PPP1R3E: variants seen among roughly 807,000 people sequenced by gnomAD.
The protein encoded by PPP1R3E is protein phosphatase 1 regulatory subunit 3E.
In PPP1R3E, 20 loss-of-function variants were observed where a neutral mutation model predicts 18.5. That is an observed-to-expected ratio of 1.08 (90% CI 0.76 to 1.58). The LOEUF (loss-of-function observed/expected upper bound fraction) is 1.58, where lower values mean the gene tolerates loss of function less well. PPP1R3E is among the 40% of genes most tolerant of loss of function. The pLI is 0.00. For missense variants in PPP1R3E, 498 were observed against 460.2 expected (o/e 1.08, Z -0.75); for synonymous variants, 208 against 208.1 (o/e 1.00, Z 0.00).
rs1211578658 is a variant in PPP1R3E, at chr14:23,301,391, C to T, written c.*45G>A. On this transcript the variant is annotated 3_prime_UTR_variant, in exon 2 of 5. Coordinates refer to ENST00000452015, the MANE Select transcript of PPP1R3E (RefSeq NM_001276318.2). Reference sequence around the variant, plus strand: ...CCGCCACATCGGGTCGCCCCGCCCCCGGGTGCCTTTGGTGTTTTCCGCCGT... The same window carrying T: ...CCGCCACATCGGGTCGCCCCGCCCCTGGGTGCCTTTGGTGTTTTCCGCCGT... 1 of 1,322,294 alleles carries T rather than the reference C, an allele frequency of 7.6e-7. No individual in the cohort carries two copies. Among genetic ancestry groups the T allele is most frequent in the East Asian group, 3.1e-5 (1 of 32,408 alleles). The allele number at this position is 1,322,294 out of a possible 1,614,324, so 81.9% of individuals were successfully genotyped here. A position where few individuals can be genotyped will look rare whatever the true frequency, so the allele number is the denominator to read the frequency against.
At position 23,301,317 on chromosome 14, in the gene PPP1R3E, T is replaced by C. The variant is rs543203708; in HGVS notation, c.*119A>G. Reference sequence around the variant, plus strand: ...CCCCACCCTTTTCGCCCTCCCCGGCTTGACTCCCTTGGACCGCTCCCGCCA... The same window carrying C: ...CCCCACCCTTTTCGCCCTCCCCGGCCTGACTCCCTTGGACCGCTCCCGCCA... On this transcript the variant is annotated 3_prime_UTR_variant, in exon 2 of 5. Coordinates refer to ENST00000452015, the MANE Select transcript of PPP1R3E (RefSeq NM_001276318.2). The C allele has an allele frequency of 3.2e-4, 270 of 833,502 alleles. 3 individuals are homozygous for C. In the Middle Eastern group the frequency reaches 0.013, roughly 41 times the overall value. The allele number at this position is 833,502 out of a possible 1,614,324, so 51.6% of individuals were successfully genotyped here.
chr14:23,301,380 C>T lies in PPP1R3E; in HGVS notation c.*56G>A. On this transcript the variant is annotated 3_prime_UTR_variant, in exon 2 of 5. Transcript: ENST00000452015. ...CCTACTCCTCCCCGCCACATCGGGT[C>T]GCCCCGCCCCCGGGTGCCTTTGGTG... 2 of 1,314,682 alleles carry T rather than the reference C, an allele frequency of 1.5e-6. No homozygotes were observed. The highest frequency in any genetic ancestry group is 1.9e-6 in the Non-Finnish European group (2 of 1,030,714). The allele number at this position is 1,314,682 out of a possible 1,614,324, so 81.4% of individuals were successfully genotyped here. A position where few individuals can be genotyped will look rare whatever the true frequency, so the allele number is the denominator to read the frequency against.
chr14:23,299,355 C>T (rs1461908155), intron 4 of PPP1R3E, 46 bp downstream of exon 4: 1 of 154,358 alleles, frequency 6.5e-6, no homozygotes, highest in East Asian at 1.9e-4. Context: ...CCAGAAATTT[C>T]TGTTTGAGAA....
At chr14:23,301,928 G>C in intron 1 of PPP1R3E, 70 bp from the exon 2 acceptor site, 2 of 1,367,966 alleles carry the variant, frequency 1.5e-6, no homozygotes, top group South Asian at 1.6e-5. Context: ...GGCGGTGTCA[G>C]AGCAAGGCAC....
intron 3 of PPP1R3E, chr14:23,300,128 G>A (rs1047616753): frequency 6.6e-6 from 1 of 152,092 alleles, no homozygotes; most frequent in African/African-American, 2.4e-5. Flanking sequence ...TCAGAGCATG[G>A]AGGCTGAAAG....
At chr14:23,301,922 G>A in intron 1 of PPP1R3E, 64 bp from the exon 2 acceptor site, 2 of 1,375,534 alleles carry the variant, frequency 1.5e-6, no homozygotes, top group South Asian at 3.2e-5. Context: ...ACAGGGGGCG[G>A]TGTCAGAGCA....
chr14:23,297,935 AGACCCTCTAGCAGGTGTCCTAGTCACG>A lies in PPP1R3E; in HGVS notation c.*1342_*1368del, dbSNP rs1255022871. On this transcript the variant is annotated 3_prime_UTR_variant, in exon 5 of 5. Transcript: ENST00000452015. Reference sequence around the variant, plus strand: ...GGATTCCTAGAAAAGGCCCAAGCACAGACCCTCTAGCAGGTGTCCTAGTCACGGACCCAACCTAGTGGCGACATTAGG... The same window carrying A: ...GGATTCCTAGAAAAGGCCCAAGCACAGACCCAACCTAGTGGCGACATTAGG... The A allele has an allele frequency of 6.6e-6, 1 of 152,230 alleles. No individual in the cohort carries two copies. Among genetic ancestry groups the A allele is most frequent in the Non-Finnish European group, 1.5e-5 (1 of 68,074 alleles). 9.4% of individuals were successfully genotyped at this position (152,230 alleles called of 1,614,324 possible).
In PPP1R3E at chr14:23,301,681, G is replaced by A; in HGVS notation, c.595C>T (p.Arg199Trp). 1 of 1,328,114 alleles carries A rather than the reference G, an allele frequency of 7.5e-7. No homozygotes were observed. The highest frequency in any genetic ancestry group is 9.6e-7 in the Non-Finnish European group (1 of 1,042,374). 82.3% of individuals were successfully genotyped at this position (1,328,114 alleles called of 1,614,324 possible). Residue 199 changes from arginine to tryptophan, a missense_variant, in exon 2 of 5, where the codon CGG becomes TGG. Transcript: ENST00000452015. ...VSVRWSADGW[R>W]SQREAPAAYA... is the part of the protein sequence containing the mutation. ...GCGGCTGGCGCCTCGCGTTGGCTCC[G>A]CCAGCCGTCGGCGCTCCAGCGCACG...
chr14:23,299,927 G>GTTTTTTTTTTTTTTTTTTTTTTT (rs3079707), intron 3 of PPP1R3E, among the ~76,000 whole-genome samples: 7 of 100,782 alleles, frequency 6.9e-5, no homozygotes, highest in Non-Finnish European at 9.9e-5. Flanking sequence ...TTTTGTTTTT[G>GTTTTTTTTTTTTTTTTTTTTTTT]TTTTTTTTTT....
In PPP1R3E at chr14:23,301,832, G is replaced by A. The variant is rs1887052317; in HGVS notation, c.444C>T (p.Ala148=). 1.4e-6 allele frequency: 2 copies of A among 1,470,074 alleles called. No homozygotes were observed. The highest frequency in any genetic ancestry group is 1.5e-5 in the African/African-American group (1 of 68,056). The allele number at this position is 1,470,074 out of a possible 1,614,324, so 91.1% of individuals were successfully genotyped here. A position where few individuals can be genotyped will look rare whatever the true frequency, so the allele number is the denominator to read the frequency against. ...AGCGGGCGGCGAAGCCGGGCTCGCT[G>A]GCCGGCTCCAGGGCGGCGCGCGCCT... ...LQEARAALEP[A]SEPGFAARLL... The change falls in exon 2 of 5, where the codon GCC becomes GCT. Residue 148 remains alanine, a synonymous_variant. Coordinates refer to ENST00000452015, the MANE Select transcript of PPP1R3E (RefSeq NM_001276318.2).
At chr14:23,301,974 G>A (rs929567100) in intron 1 of PPP1R3E, 116 bp from the exon 2 acceptor site, 14 of 1,270,632 alleles carry the variant, frequency 1.1e-5, no homozygotes, top group Non-Finnish European at 1.4e-5. Flanking sequence ...CGTCCAGGCC[G>A]GCAGAGTGCG....
In PPP1R3E at chr14:23,297,105, G is replaced by A. The variant is rs1886899674; in HGVS notation, c.*2199C>T. On this transcript the variant is annotated 3_prime_UTR_variant, in exon 5 of 5. Coordinates refer to ENST00000452015, the MANE Select transcript of PPP1R3E (RefSeq NM_001276318.2). ...GACCCAAGCCTATGACCCAGGTAGT[G>A]TTTTCTCTCACGGCACTTCCCAGTC... The A allele has an allele frequency of 6.6e-6, 1 of 152,188 alleles. No individual in the cohort carries two copies. Among genetic ancestry groups the A allele is most frequent in the Admixed American group, 6.5e-5 (1 of 15,280 alleles). 9.4% of individuals were successfully genotyped at this position (152,188 alleles called of 1,614,324 possible).
Position 23,301,696 on chromosome 14 carries a change from T to G in PPP1R3E, c.580A>C (p.Ser194Arg). 5.1e-6 allele frequency: 7 copies of G among 1,359,842 alleles called. No homozygotes were observed. 84.2% of individuals were successfully genotyped at this position (1,359,842 alleles called of 1,614,324 possible). Residue 194 changes from serine (S) to arginine (R), a missense_variant, in exon 2 of 5, where the codon AGC becomes CGC. Ser to Arg is a moderately radical substitution (Grantham distance 110). Transcript: ENST00000452015. ...AYEKRVSVRW[S>R]ADGWRSQREA... The stretch of plus-strand genomic sequence containing the variant: ...CGTTGGCTCCGCCAGCCGTCGGCGC[T>G]CCAGCGCACGCTCACGCGCTTCTCG...
rs960808620 is a variant in PPP1R3E, at chr14:23,296,417, T to G, written c.*2887A>C. The G allele has an allele frequency of 1.3e-5, 2 of 152,088 alleles. No homozygotes were observed. The highest frequency in any genetic ancestry group is 2.4e-5 in the African/African-American group (1 of 41,374). The allele number at this position is 152,088 out of a possible 1,614,324, so 9.4% of individuals were successfully genotyped here. On this transcript the variant is annotated 3_prime_UTR_variant, in exon 5 of 5. Coordinates refer to ENST00000452015, the MANE Select transcript of PPP1R3E (RefSeq NM_001276318.2). The stretch of plus-strand genomic sequence containing the variant: ...ACCAAGCTGGAGTGCAGTGGTGCGA[T>G]CATAGCTCAGTAACCTCCAACTCCT...
intron 2 of PPP1R3E, 42 bp downstream of exon 2, chr14:23,301,256 C>CG (rs1887024447): frequency 7.2e-6 from 1 of 139,416 alleles, no homozygotes; most frequent in Non-Finnish European, 1.6e-5. Context: ...TCACTCCCCC[C>CG]GCCCCCACGC....
Position 23,301,150 on chromosome 14 carries a change from C to G in PPP1R3E, c.*138+148G>C, listed in dbSNP as rs1274467766. On this transcript the variant is annotated intron_variant, in intron 2 of 4. Transcript: ENST00000452015. ...CCTTTTTTTATAATCCCTCCGGTGC[C>G]GTTTCGGGTCTCCTTCCTCCTATAT... 50 of 356,650 alleles carry G rather than the reference C, an allele frequency of 1.4e-4. No individual in the cohort carries two copies. In the East Asian group the frequency reaches 2.0e-3, roughly 14 times the overall value. 22.1% of individuals were successfully genotyped at this position (356,650 alleles called of 1,614,324 possible). A position where few individuals can be genotyped will look rare whatever the true frequency, so the allele number is the denominator to read the frequency against.
rs1476102279 is a variant in PPP1R3E, at chr14:23,297,280, C to A, written c.*2024G>T. The A allele has an allele frequency of 1.3e-5, 2 of 152,266 alleles. No homozygotes were observed. Among genetic ancestry groups the A allele is most frequent in the African/African-American group, 4.8e-5 (2 of 41,456 alleles). The allele number at this position is 152,266 out of a possible 1,614,324, so 9.4% of individuals were successfully genotyped here. On this transcript the variant is annotated 3_prime_UTR_variant, in exon 5 of 5. Coordinates refer to ENST00000452015, the MANE Select transcript of PPP1R3E (RefSeq NM_001276318.2). ...CTAGTGTTCCCCGTGTCAGATTAGA[C>A]TGCACCCGCTGGGAGAAAGCAGTGG...
intron 1 of PPP1R3E, 107 bp from the exon 2 acceptor site, chr14:23,301,965 G>A: frequency 7.7e-7 from 1 of 1,294,160 alleles, no homozygotes; most frequent in Non-Finnish European, 1.0e-6. Flanking sequence ...CGACCCCGGC[G>A]TCCAGGCCGG....
Position 23,301,416 on chromosome 14 carries a change from T to C in PPP1R3E, c.*20A>G. The stretch of plus-strand genomic sequence containing the variant: ...CGGGTGCCTTTGGTGTTTTCCGCCG[T>C]CGGCCGCAGGCGCCTCGTCTCAGAT... On this transcript the variant is annotated 3_prime_UTR_variant, in exon 2 of 5. Coordinates refer to ENST00000452015, the MANE Select transcript of PPP1R3E (RefSeq NM_001276318.2). 7.3e-7 allele frequency: 1 copy of C among 1,367,314 alleles called. No individual in the cohort carries two copies. The highest frequency in any genetic ancestry group is 1.5e-5 in the African/African-American group (1 of 66,278). The allele number at this position is 1,367,314 out of a possible 1,614,324, so 84.7% of individuals were successfully genotyped here.
Sources: gnomAD v4.1 joint callset for allele counts (sites outside exome capture counted in the v4.1 genomes callset) on GRCh38, gnomAD v4.1.1 for gene constraint, MANE v1.5 for transcripts, NCBI Gene and HGNC (gene_info 2026-07-23, HGNC 2026-07-21) for gene names.